SLIT2: variants seen among roughly 807,000 people sequenced by gnomAD.
SLIT2 encodes the protein slit homolog 2 protein.
A neutral mutation model predicts 185.7 loss-of-function variants in SLIT2; 41 were observed. The observed-to-expected ratio is 0.22, with a 90% confidence interval of 0.17 to 0.29. SLIT2 has a LOEUF of 0.29. SLIT2 is among the 10% of genes least tolerant of loss of function. SLIT2 has a pLI of 1.00. For synonymous variants in SLIT2, 693 were observed against 680.2 expected, an observed-to-expected ratio of 1.02 and a Z score of -0.29; for missense variants, 1,571 against 1,909.0, an observed-to-expected ratio of 0.82 and a Z score of 3.30.
At chr4:20,447,512 A>T (rs1711947432) in intron 4 of SLIT2, among the ~76,000 whole-genome samples, 1 of 152,192 alleles carries the variant, frequency 6.6e-6, no homozygotes, top group African/African-American at 2.4e-5. Context: ...TTGAATTTTA[A>T]CGTCTTTTTT....
At chr4:20,559,558 A>G (rs187042266) in intron 26 of SLIT2, among the ~76,000 whole-genome samples, 115 of 152,064 alleles carry the variant, frequency 7.6e-4, no homozygotes, top group African/African-American at 2.6e-3. Context: ...TACTACTACC[A>G]CTACAAATAA....
chr4:20,272,692 G>A (rs16869454), intron 4 of SLIT2, among the ~76,000 whole-genome samples: 5,101 of 152,048 alleles, frequency 0.034, 222 homozygotes, highest in East Asian at 0.1. Flanking sequence ...GACTTCTAAC[G>A]TAAGCTTAAG....
At chr4:20,597,301 C>T (rs751314239) in intron 32 of SLIT2, among the ~76,000 whole-genome samples, 2 of 152,086 alleles carry the variant, frequency 1.3e-5, no homozygotes, top group Admixed American at 1.3e-4. Flanking sequence ...CTCCTAACCT[C>T]ATGTGATCTA....
intron 4 of SLIT2, among the ~76,000 whole-genome samples, chr4:20,425,541 A>G (rs1408466212): frequency 6.6e-6 from 1 of 152,184 alleles, no homozygotes; most frequent in Admixed American, 6.5e-5. Context: ...GTAGAGAACA[A>G]GGATCCCGTT....
chr4:20,351,350 A>G (rs1721861221), intron 4 of SLIT2, among the ~76,000 whole-genome samples: 1 of 152,168 alleles, frequency 6.6e-6, no homozygotes, highest in Non-Finnish European at 1.5e-5. Flanking sequence ...CACCCGGCCT[A>G]TAGTCTGTTT....
chr4:20,336,488 A>G (rs1460375467), intron 4 of SLIT2, among the ~76,000 whole-genome samples: 1 of 152,130 alleles, frequency 6.6e-6, no homozygotes, highest in East Asian at 1.9e-4. Context: ...CAATGAGAAC[A>G]CTTGGACACA....
At chr4:20,379,375 A>T (rs1724300983) in intron 4 of SLIT2, among the ~76,000 whole-genome samples, 1 of 152,168 alleles carries the variant, frequency 6.6e-6, no homozygotes, top group Admixed American at 6.6e-5. Context: ...TTTACAGATG[A>T]TATTATGTAC....
intron 4 of SLIT2, among the ~76,000 whole-genome samples, chr4:20,321,256 C>T (rs1452267104): frequency 6.6e-6 from 1 of 152,194 alleles, no homozygotes; most frequent in Non-Finnish European, 1.5e-5. Flanking sequence ...GCCCAGGCTA[C>T]ACATCACTCA....
At chr4:20,526,268 G>A (rs1011097872) in intron 15 of SLIT2, among the ~76,000 whole-genome samples, 5 of 152,046 alleles carry the variant, frequency 3.3e-5, no homozygotes, top group African/African-American at 1.2e-4. Flanking sequence ...AGTAGATTTG[G>A]TGATATGACT....
intron 5 of SLIT2, among the ~76,000 whole-genome samples, chr4:20,472,258 CTATATATAGATATATATCTA>C (rs1290171528): frequency 3.2e-5 from 1 of 31,244 alleles, no homozygotes; most frequent in Non-Finnish European, 5.3e-5. Context: ...ATATATAGAT[CTATATATAGATATATATCTA>C]TATATATAGA....
chr4:20,520,912 A>C (rs181828583), intron 12 of SLIT2, among the ~76,000 whole-genome samples: 30 of 152,286 alleles, frequency 2.0e-4, no homozygotes, highest in African/African-American at 7.0e-4. Context: ...AGATTTTTCT[A>C]AGCTTTCCAT....
At chr4:20,495,837 C>T (rs1718184262) in intron 9 of SLIT2, among the ~76,000 whole-genome samples, 1 of 152,116 alleles carries the variant, frequency 6.6e-6, no homozygotes. Flanking sequence ...AGTGGCATAA[C>T]TTACTAGCTT....
intron 23 of SLIT2, among the ~76,000 whole-genome samples, chr4:20,548,799 A>G (rs1384051325): frequency 3.9e-5 from 6 of 152,152 alleles, no homozygotes; most frequent in African/African-American, 1.4e-4. Flanking sequence ...TCCCTAAGAT[A>G]GGGAAAATCC....
At chr4:20,592,644 C>CT (rs1727600977) in intron 30 of SLIT2, among the ~76,000 whole-genome samples, 1 of 152,084 alleles carries the variant, frequency 6.6e-6, no homozygotes, top group East Asian at 1.9e-4. Flanking sequence ...ACTTTGATTT[C>CT]TTTTTTCAGA....
intron 4 of SLIT2, among the ~76,000 whole-genome samples, chr4:20,292,598 C>G (rs1221312979): frequency 2.6e-5 from 4 of 152,072 alleles, no homozygotes; most frequent in African/African-American, 9.7e-5. Context: ...TAGTTTTGAG[C>G]TTTAGAAGTC....
intron 9 of SLIT2, among the ~76,000 whole-genome samples, chr4:20,493,357 A>T (rs879348594): frequency 2.6e-5 from 4 of 152,202 alleles, no homozygotes; most frequent in Admixed American, 2.6e-4. Context: ...CGAAATACTA[A>T]ATTTTCTCAT....
At chr4:20,564,553 A>C (rs751425292) in intron 26 of SLIT2, among the ~76,000 whole-genome samples, 10 of 151,976 alleles carry the variant, frequency 6.6e-5, no homozygotes, top group Non-Finnish European at 1.5e-4. Context: ...GCTAGAAATA[A>C]GAAATGATTG....
chr4:20,540,104 C>T (rs187301009), intron 19 of SLIT2, among the ~76,000 whole-genome samples: 313 of 151,648 alleles, frequency 2.1e-3, no homozygotes, highest in African/African-American at 7.0e-3. Context: ...GCCAACATGG[C>T]GAATCCCTGT....
intron 4 of SLIT2, among the ~76,000 whole-genome samples, chr4:20,289,972 A>G (rs1358793484): frequency 6.6e-6 from 1 of 151,368 alleles, no homozygotes; most frequent in East Asian, 2.0e-4. Context: ...GCACAGGCAT[A>G]TGCAGTTCCT....
Sources: gnomAD v4.1 joint callset for allele counts (sites outside exome capture counted in the v4.1 genomes callset) on GRCh38, gnomAD v4.1.1 for gene constraint, MANE v1.5 for transcripts, NCBI Gene and HGNC (gene_info 2026-07-23, HGNC 2026-07-21) for gene names.